Variants in UBE2V2 observed in about 807,000 individuals in gnomAD.
The protein encoded by UBE2V2 is ubiquitin-conjugating enzyme E2 variant 2.
In UBE2V2, 9 loss-of-function variants were observed where a neutral mutation model predicts 17.2. The ratio of observed to expected loss-of-function variants is 0.52; its 90% CI spans 0.32 to 0.91. The LOEUF (loss-of-function observed/expected upper bound fraction) is 0.91, where lower values mean the gene tolerates loss of function less well. UBE2V2 is among the 40% of genes least tolerant of loss of function. The pLI, the probability that UBE2V2 is intolerant of heterozygous loss-of-function variation, is 0.04. For synonymous variants in UBE2V2, 61 were observed against 57.5 expected (o/e 1.06, Z -0.28); for missense variants, 133 against 182.6 (o/e 0.73, Z 1.56).
chr8:48,010,895 T>A (rs1305015735), intron 1 of UBE2V2, among the ~76,000 whole-genome samples: 2 of 141,814 alleles, frequency 1.4e-5, no homozygotes, highest in East Asian at 4.1e-4. Flanking sequence ...TTTTTTGTAT[T>A]TTTTTTTTTT....
At chr8:48,040,719 T>G (rs1172546394) in intron 1 of UBE2V2, among the ~76,000 whole-genome samples, 1 of 151,818 alleles carries the variant, frequency 6.6e-6, no homozygotes, top group African/African-American at 2.4e-5. Flanking sequence ...CTCCACCTCC[T>G]GGGTTCAAGC....
chr8:48,034,956 C>A, intron 1 of UBE2V2: 1 of 943,706 alleles, frequency 1.1e-6, no homozygotes, highest in Non-Finnish European at 1.3e-6. Flanking sequence ...TCCAGGTGGC[C>A]AGTTAGGACT....
chr8:48,051,839 G>A (rs2091540860), intron 3 of UBE2V2, among the ~76,000 whole-genome samples: 1 of 152,074 alleles, frequency 6.6e-6, no homozygotes, highest in Admixed American at 6.6e-5. Flanking sequence ...GCTGGGAAAG[G>A]TCATTGGAAA....
chr8:48,053,487 G>A (rs1343703848), intron 3 of UBE2V2, among the ~76,000 whole-genome samples: 2 of 147,248 alleles, frequency 1.4e-5, no homozygotes, highest in African/African-American at 5.0e-5. Context: ...GCAGTCACGC[G>A]ATCTTGGCTC....
At chr8:48,022,347 G>A (rs940915417) in intron 1 of UBE2V2, among the ~76,000 whole-genome samples, 1 of 151,922 alleles carries the variant, frequency 6.6e-6, no homozygotes, top group African/African-American at 2.4e-5. Context: ...TGTTGGCTAG[G>A]CTGCTCTCGA....
chr8:48,058,293 C>G (rs1295100578), intron 3 of UBE2V2, among the ~76,000 whole-genome samples: 1 of 152,038 alleles, frequency 6.6e-6, no homozygotes, highest in Non-Finnish European at 1.5e-5. Context: ...ATAGTGAAAC[C>G]CTGTGTCTAC....
upstream of UBE2V2, among the ~76,000 whole-genome samples, chr8:48,004,745 G>A (rs1276886004): frequency 6.6e-6 from 1 of 151,826 alleles, no homozygotes; most frequent in African/African-American, 2.4e-5. Flanking sequence ...TGGCCAGGCT[G>A]GTATTGAATT....
chr8:48,022,217 A>C (rs2154507027), intron 1 of UBE2V2, among the ~76,000 whole-genome samples: 1 of 150,334 alleles, frequency 6.7e-6, no homozygotes, highest in East Asian at 2.0e-4. Flanking sequence ...GGCTTACTGC[A>C]ACCTTCGCCT....
At chr8:48,051,877 AAC>A (rs1480025360) in intron 3 of UBE2V2, among the ~76,000 whole-genome samples, 2 of 152,048 alleles carry the variant, frequency 1.3e-5, no homozygotes, top group African/African-American at 4.8e-5. Context: ...CTGGGCCATT[AAC>A]ACCCCCCCAC....
At chr8:48,038,115 A>G (rs976299876) in intron 1 of UBE2V2, among the ~76,000 whole-genome samples, 3 of 152,100 alleles carry the variant, frequency 2.0e-5, no homozygotes, top group Non-Finnish European at 4.4e-5. Flanking sequence ...TTTTCTTTTT[A>G]AATAAAATAT....
intron 3 of UBE2V2, among the ~76,000 whole-genome samples, chr8:48,058,003 C>G (rs2091583640): frequency 6.6e-6 from 1 of 152,118 alleles, no homozygotes; most frequent in Non-Finnish European, 1.5e-5. Context: ...ATTGTCCTGG[C>G]TAGAACCTCT....
At chr8:48,041,441 CTCTG>C (rs2091463992) in intron 1 of UBE2V2, among the ~76,000 whole-genome samples, 1 of 152,062 alleles carries the variant, frequency 6.6e-6, no homozygotes, top group African/African-American at 2.4e-5. Context: ...CAGAGCGAGA[CTCTG>C]TCTCACACAC....
chr8:48,028,373 T>C (rs1287565887), intron 1 of UBE2V2, among the ~76,000 whole-genome samples: 1 of 145,984 alleles, frequency 6.9e-6, no homozygotes, highest in African/African-American at 2.5e-5. Context: ...AGTTTCGTTC[T>C]CGTTGCCCAG....
At chr8:48,056,779 G>A (rs554806785) in intron 3 of UBE2V2, among the ~76,000 whole-genome samples, 6 of 152,164 alleles carry the variant, frequency 3.9e-5, no homozygotes, top group East Asian at 3.9e-4. Context: ...GCTGGATTGC[G>A]GTGGTGCGAT....
intron 1 of UBE2V2, among the ~76,000 whole-genome samples, chr8:48,025,651 G>A (rs2091338771): frequency 6.6e-6 from 1 of 150,918 alleles, no homozygotes; most frequent in South Asian, 2.1e-4. Context: ...CCAGGCTGGA[G>A]TGCAGTGGCG....
Position 48,049,861 on chromosome 8 carries a change from T to C in UBE2V2, c.174T>C (p.Tyr58=), listed in dbSNP as rs2091523658. ...TGTTTTTTGCCTTCCAGACAAATTA[T>C]GAAAACAGAATATATAGCCTGAAAG... ...GMIIGPPRTN[Y]ENRIYSLKVE... is the part of the protein sequence containing the mutation. Residue 58 remains tyrosine, a synonymous_variant, in exon 3 of 4, where the codon TAT becomes TAC. Coordinates refer to ENST00000523111, the MANE Select transcript of UBE2V2 (RefSeq NM_003350.3). 6.3e-7 allele frequency: 1 copy of C among 1,592,710 alleles called. No individual in the cohort carries two copies. Among genetic ancestry groups the C allele is most frequent in the Admixed American group, 1.8e-5 (1 of 54,834 alleles).
At chr8:48,023,362 C>T (rs537069937) in intron 1 of UBE2V2, among the ~76,000 whole-genome samples, 3 of 151,958 alleles carry the variant, frequency 2.0e-5, no homozygotes, top group African/African-American at 4.8e-5. Flanking sequence ...ACTACACGCA[C>T]GCACCACCAC....
At chr8:48,054,085 A>G (rs2091556978) in intron 3 of UBE2V2, among the ~76,000 whole-genome samples, 1 of 152,216 alleles carries the variant, frequency 6.6e-6, no homozygotes, top group Admixed American at 6.5e-5. Context: ...GTGGGATTAC[A>G]GGCTTGAGCC....
the UBE2V2 span, among the ~76,000 whole-genome samples, chr8:48,001,675 A>T: frequency 1.3e-5 from 2 of 152,240 alleles, no homozygotes. Flanking sequence ...TCCTCCAGAA[A>T]AAACAACCCA....
Sources: allele counts gnomAD v4.1 joint callset (sites outside exome capture counted in the v4.1 genomes callset), GRCh38; gene constraint gnomAD v4.1.1; transcripts MANE v1.5; gene names NCBI Gene and HGNC (gene_info 2026-07-23, HGNC 2026-07-21).